Variants in IQUB observed in about 807,000 individuals in gnomAD.
The protein encoded by IQUB is IQ motif and ubiquitin domain containing.
IQUB carries 86 observed loss-of-function variants against 86.4 expected under a neutral mutation model. That is an observed-to-expected ratio of 1.00 (90% CI 0.84 to 1.19). The LOEUF (loss-of-function observed/expected upper bound fraction) is 1.19. Ranked by LOEUF, IQUB falls within the 50% of genes most tolerant of loss-of-function variation. The probability of loss-of-function intolerance (pLI) is 0.00; values close to 1 mark genes in which losing one functional copy is unlikely to be tolerated. For missense variants in IQUB, 946 were observed against 916.9 expected (o/e 1.03, Z -0.41); for synonymous variants, 289 against 304.5 (o/e 0.95, Z 0.53).
At chr7:123,461,747 T>C (rs1793999588) in intron 10 of IQUB, 142 bp from the exon 11 acceptor site, 1 of 712,548 alleles carries the variant, frequency 1.4e-6, no homozygotes, top group African/African-American at 1.8e-5. Context: ...ATTTCTAAAA[T>C]TTTATTTTTC....
At chr7:123,515,288 C>T (rs1796593318) in intron 1 of IQUB, among the ~76,000 whole-genome samples, 1 of 152,076 alleles carries the variant, frequency 6.6e-6, no homozygotes, top group Non-Finnish European at 1.5e-5. Flanking sequence ...GCAATAACAA[C>T]AAAATCAAGA....
rs1254177256 is a variant in IQUB at position 123,534,530 on chromosome 7, C to A, written c.-43G>T. ...CAAACTATTCTCGTCGAAGTGCTTT[C>A]CCAGGCTCCTAAGACGCAGCTTCCA... is the stretch of plus-strand genomic sequence containing the variant. On this transcript the variant is annotated 5_prime_UTR_variant, in exon 1 of 13. Coordinates refer to ENST00000324698, the MANE Select transcript of IQUB (RefSeq NM_178827.5). 1 of 153,772 alleles carries A rather than the reference C, an allele frequency of 6.5e-6. No individual in the cohort carries two copies. Among genetic ancestry groups the A allele is most frequent in the Admixed American group, 6.5e-5 (1 of 15,286 alleles). 9.5% of individuals were successfully genotyped at this position (153,772 alleles called of 1,614,324 possible).
chr7:123,506,739 C>T lies in IQUB; in HGVS notation c.532+3162G>A, dbSNP rs574450124. ...ATTTGGGTGGGGACACAAATCCAAA[C>T]CACATCGCCCCCAGAACAGAGAAGC... On this transcript the variant is annotated intron_variant, in intron 3 of 12. Coordinates refer to ENST00000324698, the MANE Select transcript of IQUB (RefSeq NM_178827.5). Among the ~76,000 whole-genome samples the T allele has an allele frequency of 3.0e-4, 46 of 152,280 alleles. No homozygotes were observed. The South Asian group carries it at 8.5e-3, about 28-fold the overall frequency.
At chr7:123,495,459 C>T (rs1199294861) in intron 7 of IQUB, among the ~76,000 whole-genome samples, 3 of 151,706 alleles carry the variant, frequency 2.0e-5, no homozygotes, top group African/African-American at 7.3e-5. Context: ...AGGAACAGAA[C>T]ATATAACATC....
intron 1 of IQUB, among the ~76,000 whole-genome samples, chr7:123,527,783 G>T (rs1797318116): frequency 6.6e-6 from 1 of 152,154 alleles, no homozygotes; most frequent in African/African-American, 2.4e-5. Context: ...TCTGTGCCCT[G>T]CCCCCAGAGG....
chr7:123,479,977 G>A lies in IQUB; in HGVS notation c.1235-7C>T. ...AGTTCTTCTTGCCGCCAGACTAGAG[G>A]AATAACACAATAGACTCTTGAGTTT... On this transcript the variant is annotated splice_polypyrimidine_tract_variant and splice_region_variant and intron_variant, in intron 7 of 12. Transcript: ENST00000324698. 1 of 1,600,032 alleles carries A rather than the reference G, an allele frequency of 6.2e-7. No homozygotes were observed. Among genetic ancestry groups the A allele is most frequent in the Non-Finnish European group, 8.5e-7 (1 of 1,174,158 alleles).
At chr7:123,473,918 A>G (rs1794647718) in intron 8 of IQUB, among the ~76,000 whole-genome samples, 1 of 152,098 alleles carries the variant, frequency 6.6e-6, no homozygotes, top group Non-Finnish European at 1.5e-5. Context: ...GTGGAAGTCA[A>G]TATTTGGTGA....
At chr7:123,525,772 T>C (rs1466825595) in intron 1 of IQUB, among the ~76,000 whole-genome samples, 1 of 152,194 alleles carries the variant, frequency 6.6e-6, no homozygotes, top group African/African-American at 2.4e-5. Flanking sequence ...CTTGCTTTTC[T>C]AGTTCTTTTA....
intron 10 of IQUB, chr7:123,462,640 C>CAACTT (rs1794049447): frequency 3.8e-6 from 1 of 264,402 alleles, no homozygotes; most frequent in African/African-American, 2.2e-5. Flanking sequence ...ATCAAGAAGA[C>CAACTT]AACTTATCTG....
intron 9 of IQUB, among the ~76,000 whole-genome samples, 190 bp from the exon 10 acceptor site, chr7:123,465,199 A>C (rs1286223717): frequency 6.6e-6 from 1 of 151,918 alleles, no homozygotes; most frequent in Non-Finnish European, 1.5e-5. Context: ...ATAGTATTGT[A>C]CTATATACAA....
chr7:123,453,263 A>AATATATATATATATATATAT, intron 12 of IQUB, among the ~76,000 whole-genome samples: 1 of 138,216 alleles, frequency 7.2e-6, no homozygotes, highest in South Asian at 2.3e-4. Flanking sequence ...ATCTAGTTAG[A>AATATATATATATATATATAT]ATATATATAT....
At chr7:123,490,983 A>ACAAACCT (rs988936459) in intron 7 of IQUB, among the ~76,000 whole-genome samples, 4 of 151,962 alleles carry the variant, frequency 2.6e-5, no homozygotes, top group African/African-American at 9.6e-5. Flanking sequence ...AAAAAAACAA[A>ACAAACCT]CAAACCTCAA....
intron 7 of IQUB, among the ~76,000 whole-genome samples, chr7:123,480,272 G>A (rs1205442052): frequency 6.6e-6 from 1 of 152,064 alleles, no homozygotes; most frequent in Non-Finnish European, 1.5e-5. Flanking sequence ...CTTTGTGGCA[G>A]CCATGAGCGT....
chr7:123,471,632 T>TTC (rs1554582804), intron 8 of IQUB, among the ~76,000 whole-genome samples: 2 of 151,646 alleles, frequency 1.3e-5, no homozygotes, highest in Middle Eastern at 3.4e-3. Flanking sequence ...AACTCTGTTT[T>TTC]CCCCCCCAAG....
chr7:123,462,425 C>A (rs529280287), intron 10 of IQUB, among the ~76,000 whole-genome samples: 1 of 151,860 alleles, frequency 6.6e-6, no homozygotes, highest in Non-Finnish European at 1.5e-5. Context: ...TTACTTTGTT[C>A]TGAATATCTA....
At chr7:123,520,231 T>C (rs908204922) in intron 1 of IQUB, among the ~76,000 whole-genome samples, 4 of 152,194 alleles carry the variant, frequency 2.6e-5, no homozygotes, top group African/African-American at 9.6e-5. Flanking sequence ...ATAAGCTTTT[T>C]TTACTGCAGG....
rs897579564 is a variant in IQUB at position 123,506,381 on chromosome 7, G to A, written c.533-3018C>T. ...TGGTACCAACTTTCTGTATTAGTCC[G>A]TTCTCACATTGCTATAAAGAACTAC... On this transcript the variant is annotated intron_variant, in intron 3 of 12. Coordinates refer to ENST00000324698, the MANE Select transcript of IQUB (RefSeq NM_178827.5). Among the ~76,000 whole-genome samples, 6 of 152,194 alleles carry A rather than the reference G, an allele frequency of 3.9e-5. No homozygotes were observed. In the East Asian group the frequency reaches 5.8e-4, roughly 15 times the overall value.
chr7:123,463,888 C>G (rs1460211063), intron 10 of IQUB, among the ~76,000 whole-genome samples: 1 of 151,652 alleles, frequency 6.6e-6, no homozygotes. Context: ...GTGGCTCAGA[C>G]AAATGAAACA....
rs1051834753 is a variant in IQUB, at chr7:123,512,262, C to G, written c.79G>C (p.Val27Leu). Residue 27 changes from valine to leucine, a missense_variant, in exon 2 of 13, where the codon GTC (valine) becomes CTC (leucine). By Grantham distance (32) the Val-to-Leu change is conservative. Transcript: ENST00000324698. ...TEESDDAFDT[V>L]TIPVPSEEPQ... ...TCTTCTGAGGGAACTGGAATAGTGA[C>G]AGTATCAAAAGCATCATCACTCTCT... 3 of 1,612,284 alleles carry G rather than the reference C, an allele frequency of 1.9e-6. No individual in the cohort carries two copies. In the African/African-American group the frequency reaches 4.0e-5, roughly 22 times the overall value.
Sources: allele counts gnomAD v4.1 joint callset (sites outside exome capture counted in the v4.1 genomes callset), GRCh38; gene constraint gnomAD v4.1.1; transcripts MANE v1.5; gene names NCBI Gene and HGNC (gene_info 2026-07-23, HGNC 2026-07-21).